RABEP1: variants seen among roughly 807,000 people sequenced by gnomAD.
RABEP1 encodes the protein rab GTPase-binding effector protein 1.
A neutral mutation model predicts 123.4 loss-of-function variants in RABEP1; 51 were observed. The ratio of observed to expected loss-of-function variants is 0.41; its 90% confidence interval spans 0.33 to 0.52. The LOEUF is 0.52. Among genes scored for constraint, RABEP1 ranks in the 20% least tolerant of loss-of-function variants. The pLI is 0.16. For synonymous variants in RABEP1, 347 were observed against 355.2 expected, an observed-to-expected ratio of 0.98 and a Z score of 0.26; for missense variants, 888 against 996.3, an observed-to-expected ratio of 0.89 and a Z score of 1.46.
At chr17:5,381,568 G>A (rs776096221) in intron 17 of RABEP1, 63 bp downstream of exon 17, 4 of 1,554,524 alleles carry the variant, frequency 2.6e-6, no homozygotes, top group Non-Finnish European at 3.5e-6. Flanking sequence ...GAACCTTGCC[G>A]ATCCCTGACT....
rs2074932636 is a variant in RABEP1, at chr17:5,282,376, G to T, written c.-111G>T. 1.1e-6 allele frequency: 1 copy of T among 888,016 alleles called. No individual in the cohort carries two copies. Among genetic ancestry groups the T allele is most frequent in the Non-Finnish European group, 1.5e-6 (1 of 656,614 alleles). The allele number at this position is 888,016 out of a possible 1,614,324, so 55.0% of individuals were successfully genotyped here. ...GATCCAGCCTTAGCGGTTTCTCTCT[G>T]GGCGGCGGCGGCGGCGGCTCGGTTG... On this transcript the variant is annotated 5_prime_UTR_variant, in exon 1 of 18. Transcript: ENST00000537505.
At chr17:5,378,921 T>G (rs1911219652) in intron 15 of RABEP1, among the ~76,000 whole-genome samples, 1 of 152,170 alleles carries the variant, frequency 6.6e-6, no homozygotes, top group African/African-American at 2.4e-5. Flanking sequence ...CCACCACACC[T>G]GTCCCTATGG....
At chr17:5,289,903 C>A (rs1372401697) in intron 1 of RABEP1, among the ~76,000 whole-genome samples, 1 of 152,134 alleles carries the variant, frequency 6.6e-6, no homozygotes, top group African/African-American at 2.4e-5. Context: ...CACACAGTAG[C>A]CTGGAATTAG....
At chr17:5,310,401 G>A (rs192070841) in intron 2 of RABEP1, among the ~76,000 whole-genome samples, 109 of 140,216 alleles carry the variant, frequency 7.8e-4, no homozygotes, top group Middle Eastern at 3.8e-3. Flanking sequence ...TACAACCTCC[G>A]CCTCCCATAT....
At chr17:5,311,273 C>T (rs1229098796) in intron 2 of RABEP1, among the ~76,000 whole-genome samples, 1 of 152,170 alleles carries the variant, frequency 6.6e-6, no homozygotes, top group African/African-American at 2.4e-5. Context: ...ACTTTAAAAA[C>T]TACTGGCCTA....
At chr17:5,288,177 AAGGCTTTT>A (rs1295635375) in intron 1 of RABEP1, among the ~76,000 whole-genome samples, 1 of 151,938 alleles carries the variant, frequency 6.6e-6, no homozygotes, top group Non-Finnish European at 1.5e-5. Flanking sequence ...GAGGTCAGTA[AAGGCTTTT>A]GATGAAGTAG....
Position 5,383,546 on chromosome 17 carries a change from T to C in RABEP1, c.*323T>C, listed in dbSNP as rs574212625. The C allele has an allele frequency of 4.5e-5, 16 of 359,502 alleles. No homozygotes were observed. In the South Asian group the frequency reaches 4.9e-4, roughly 11 times the overall value. 22.3% of individuals were successfully genotyped at this position (359,502 alleles called of 1,614,324 possible). A position where few individuals can be genotyped will look rare whatever the true frequency, so the allele number is the denominator to read the frequency against. ...GACAGATTTTCGGAACACATTTCCC[T>C]ACCCTAAAGCGACATCCCAGTAGTG... On this transcript the variant is annotated 3_prime_UTR_variant, in exon 18 of 18. Transcript: ENST00000537505.
intron 2 of RABEP1, among the ~76,000 whole-genome samples, chr17:5,330,907 C>T (rs1906472730): frequency 2.6e-5 from 4 of 151,744 alleles, no homozygotes; most frequent in African/African-American, 9.7e-5. Context: ...GCCTGCAGTC[C>T]TAGCTACTCA....
At chr17:5,302,515 A>G (rs370196389) in intron 1 of RABEP1, among the ~76,000 whole-genome samples, 1 of 151,638 alleles carries the variant, frequency 6.6e-6, no homozygotes, top group Non-Finnish European at 1.5e-5. Context: ...TGCTGGGATT[A>G]CAGTCATGAG....
intron 5 of RABEP1, among the ~76,000 whole-genome samples, chr17:5,344,499 G>T (rs1377991477): frequency 6.6e-6 from 1 of 152,062 alleles, no homozygotes; most frequent in African/African-American, 2.4e-5. Context: ...GTGGCCGAGC[G>T]CAGTGGCTCG....
chr17:5,322,455 C>G (rs1597354152), intron 2 of RABEP1, among the ~76,000 whole-genome samples: 1 of 144,490 alleles, frequency 6.9e-6, no homozygotes, highest in Admixed American at 6.8e-5. Flanking sequence ...TATCTATGCA[C>G]CTAACACTGG....
intron 13 of RABEP1, among the ~76,000 whole-genome samples, chr17:5,374,864 C>T (rs1182894423): frequency 3.3e-5 from 5 of 152,036 alleles, no homozygotes; most frequent in Non-Finnish European, 7.4e-5. Context: ...GGCTGGTCTC[C>T]AACTCCTGAC....
At chr17:5,349,894 C>T (rs779607777) in intron 6 of RABEP1, among the ~76,000 whole-genome samples, 3 of 152,104 alleles carry the variant, frequency 2.0e-5, no homozygotes, top group Admixed American at 6.5e-5. Context: ...AAATTTCTCC[C>T]TTTAACTTGA....
At chr17:5,296,172 G>C (rs2075081711) in intron 1 of RABEP1, among the ~76,000 whole-genome samples, 1 of 152,176 alleles carries the variant, frequency 6.6e-6, no homozygotes, top group African/African-American at 2.4e-5. Context: ...AGCTAGATCT[G>C]ATTTGCTAAG....
Position 5,327,214 on chromosome 17 carries a change from G to A in RABEP1, c.164-4735G>A, listed in dbSNP as rs140497627. On this transcript the variant is annotated intron_variant, in intron 2 of 17. Transcript: ENST00000537505. ...AATACAAAAATTAGCAGGGTGTGGT[G>A]GCACATGCCTGTAATCCCAGCTACT... Among the ~76,000 whole-genome samples, 78 of 152,212 alleles carry A rather than the reference G, an allele frequency of 5.1e-4. 1 individual carries two copies. The highest frequency in any genetic ancestry group is 1.7e-3 in the African/African-American group (71 of 41,544).
chr17:5,314,463 A>AGTACCC, intron 2 of RABEP1, among the ~76,000 whole-genome samples: 1 of 145,624 alleles, frequency 6.9e-6, no homozygotes, highest in Non-Finnish European at 1.5e-5. Flanking sequence ...GGCTGGTCTT[A>AGTACCC]GTACCCCTTC....
At chr17:5,302,591 CTTT>C (rs546960637) in intron 1 of RABEP1, among the ~76,000 whole-genome samples, 17 of 123,368 alleles carry the variant, frequency 1.4e-4, no homozygotes, top group South Asian at 5.2e-4. Context: ...ATTTTTTAGA[CTTT>C]TTTTTTTTTT....
chr17:5,283,204 A>T (rs2074945607), intron 1 of RABEP1, among the ~76,000 whole-genome samples: 1 of 152,172 alleles, frequency 6.6e-6, no homozygotes, highest in African/African-American at 2.4e-5. Flanking sequence ...ACGAATGTGT[A>T]TATACAATAA....
intron 2 of RABEP1, among the ~76,000 whole-genome samples, chr17:5,322,731 T>C (rs1905503415): frequency 6.6e-6 from 1 of 152,146 alleles, no homozygotes; most frequent in South Asian, 2.1e-4. Context: ...TGGTTCGATA[T>C]ACACAAATAA....
Sources: allele counts gnomAD v4.1 joint callset (sites outside exome capture counted in the v4.1 genomes callset), GRCh38; gene constraint gnomAD v4.1.1; transcripts MANE v1.5; gene names NCBI Gene and HGNC (gene_info 2026-07-23, HGNC 2026-07-21).